Variants in KIF9 observed in about 807,000 individuals in gnomAD.
The protein encoded by KIF9 is kinesin-like protein KIF9.
KIF9 carries 68 observed loss-of-function variants against 94.8 expected under a neutral mutation model. The ratio of observed to expected loss-of-function variants is 0.72; its 90% CI spans 0.59 to 0.88. The LOEUF is 0.88. Among genes scored for constraint, KIF9 ranks in the 40% least tolerant of loss-of-function variants. KIF9 has a pLI of 0.00. For synonymous variants in KIF9, 343 were observed against 362.1 expected, an observed-to-expected ratio of 0.95 and a Z score of 0.60; for missense variants, 882 against 982.5, an observed-to-expected ratio of 0.90 and a Z score of 1.37.
chr3:47,262,557 G>T (rs1160483360), intron 9 of KIF9, among the ~76,000 whole-genome samples: 1 of 152,098 alleles, frequency 6.6e-6, no homozygotes, highest in African/African-American at 2.4e-5. Context: ...ACAGGCATGA[G>T]CCATTACACC....
At chr3:47,265,623 G>T in intron 8 of KIF9, 107 bp downstream of exon 8, 1 of 1,210,058 alleles carries the variant, frequency 8.3e-7, no homozygotes, top group Non-Finnish European at 1.2e-6. Flanking sequence ...GTGAATCCAT[G>T]CCACCAGGAG....
Position 47,241,798 on chromosome 3 carries a change from T to C in KIF9, c.1710-783A>G, listed in dbSNP as rs546197069. 1.2e-3 allele frequency among the ~76,000 whole-genome samples: 100 copies of C among 86,886 alleles called. 1 individual carries two copies. Among genetic ancestry groups the C allele is most frequent in the African/African-American group, 3.9e-3 (88 of 22,588 alleles). 57.0% of individuals were successfully genotyped at this position (86,886 alleles called of 152,430 possible). On this transcript the variant is annotated intron_variant, in intron 16 of 20. Transcript: ENST00000684063. ...ATATACATGTATATACGTGTATATA[T>C]GTATATATGTATATATGTATATATA...
chr3:47,241,124 G>A, intron 16 of KIF9, 109 bp from the exon 17 acceptor site: 1 of 909,364 alleles, frequency 1.1e-6, no homozygotes, highest in Non-Finnish European at 1.7e-6. Flanking sequence ...AGGCAGAAGT[G>A]CTAGGCACCA....
intron 20 of KIF9, among the ~76,000 whole-genome samples, chr3:47,234,161 G>A (rs552167377): frequency 6.6e-6 from 1 of 151,958 alleles, no homozygotes; most frequent in East Asian, 1.9e-4. Flanking sequence ...GTCAGAAGGG[G>A]TTTCCAGGAT....
Position 47,236,159 on chromosome 3 carries a change from G to A in KIF9, c.2102-10C>T. ...TACCAGATGTCAAATTCTACAAGGA[G>A]GTGAGGAGACAGAACTTGAGGAAGC... On this transcript the variant is annotated splice_polypyrimidine_tract_variant and intron_variant, in intron 18 of 20. Transcript: ENST00000684063. 1 of 1,598,842 alleles carries A rather than the reference G, an allele frequency of 6.3e-7. No homozygotes were observed. Among genetic ancestry groups the A allele is most frequent in the Non-Finnish European group, 8.6e-7 (1 of 1,166,092 alleles).
chr3:47,263,815 C>T, intron 9 of KIF9: 1 of 455,922 alleles, frequency 2.2e-6, no homozygotes, highest in Non-Finnish European at 4.4e-6. Flanking sequence ...TAATTTCTAC[C>T]AGGTTACTCC....
chr3:47,266,693 G>A (rs11920853), intron 7 of KIF9, among the ~76,000 whole-genome samples: 51,014 of 151,978 alleles, frequency 0.34, 8,913 homozygotes, highest in Middle Eastern at 0.47. Context: ...TACCAGCAAG[G>A]AATATTTACT....
At chr3:47,266,889 A>G in intron 7 of KIF9, 87 bp downstream of exon 7, 2 of 978,592 alleles carry the variant, frequency 2.0e-6, no homozygotes, top group Non-Finnish European at 3.3e-6. Flanking sequence ...CAAATATCCA[A>G]TGAGTCATGG....
At chr3:47,239,087 C>T (rs1371461259) in intron 17 of KIF9, among the ~76,000 whole-genome samples, 1 of 152,168 alleles carries the variant, frequency 6.6e-6, no homozygotes, top group Non-Finnish European at 1.5e-5. Context: ...GTAATCGCAG[C>T]TACTTGGGAG....
chr3:47,242,066 A>G (rs1699607437), intron 16 of KIF9, among the ~76,000 whole-genome samples: 1 of 151,540 alleles, frequency 6.6e-6, no homozygotes, highest in Admixed American at 6.6e-5. Context: ...AATTTTTTAT[A>G]GAGACAGAGT....
intron 1 of KIF9, among the ~76,000 whole-genome samples, chr3:47,278,529 T>TAA (rs202160544): frequency 6.6e-6 from 1 of 151,408 alleles, no homozygotes; most frequent in Non-Finnish European, 1.5e-5. Context: ...GGCTTGGCTT[T>TAA]AAAAAAAAAC....
At chr3:47,234,861 C>T (rs1194693974) in intron 20 of KIF9, among the ~76,000 whole-genome samples, 1 of 152,198 alleles carries the variant, frequency 6.6e-6, no homozygotes, top group Non-Finnish European at 1.5e-5. Flanking sequence ...CAGCCATATA[C>T]TTTCATGCTT....
In KIF9 at chr3:47,280,876, C is replaced by T. The variant is rs1047550350; in HGVS notation, c.-6+1619G>A. On this transcript the variant is annotated intron_variant, in intron 1 of 20. Transcript: ENST00000684063. ...CTGCAATAAAGTCTTCCTTTGCACA[C>T]CCGTCTTGTGAGCCTGCTACTCAGC... 7.1e-6 allele frequency: 5 copies of T among 702,578 alleles called. No homozygotes were observed. In the African/African-American group the frequency reaches 8.7e-5, roughly 12 times the overall value. 43.5% of individuals were successfully genotyped at this position (702,578 alleles called of 1,614,324 possible). A position where few individuals can be genotyped will look rare whatever the true frequency, so the allele number is the denominator to read the frequency against.
intron 5 of KIF9, among the ~76,000 whole-genome samples, 200 bp downstream of exon 5, chr3:47,271,037 G>A (rs1228222373): frequency 6.6e-6 from 1 of 151,762 alleles, no homozygotes; most frequent in Non-Finnish European, 1.5e-5. Flanking sequence ...CCAGCTACTT[G>A]GGAGGCTGAG....
chr3:47,248,498 A>C (rs1364247772), intron 10 of KIF9, among the ~76,000 whole-genome samples: 1 of 151,814 alleles, frequency 6.6e-6, no homozygotes, highest in Non-Finnish European at 1.5e-5. Context: ...GCTGGAGTGC[A>C]ATGGCATGGT....
In KIF9 at chr3:47,243,186, A is replaced by T. The variant is rs139083698; in HGVS notation, c.1574T>A (p.Val525Asp). ...SPVNGKDLDY[V>D]STSKTQLVPS... The stretch of plus-strand genomic sequence containing the variant: ...GACCAGCTGGGTCTTGGAGGTGGAA[A>T]CGTAATCCAAGTCCTTCCCATTCAC... The change falls in exon 16 of 21, where the codon GTT becomes GAT. Residue 525 changes from valine to aspartate, a missense_variant. Coordinates refer to ENST00000684063, the MANE Select transcript of KIF9 (RefSeq NM_182902.4). 1 of 1,613,818 alleles carries T rather than the reference A, an allele frequency of 6.2e-7. No individual in the cohort carries two copies. Among genetic ancestry groups the T allele is most frequent in the East Asian group, 2.2e-5 (1 of 44,880 alleles).
chr3:47,249,700 A>T (rs1354693529), intron 10 of KIF9, among the ~76,000 whole-genome samples: 4 of 152,084 alleles, frequency 2.6e-5, no homozygotes, highest in African/African-American at 7.2e-5. Context: ...AGACTCATTC[A>T]CTTACCTCCT....
chr3:47,235,564 C>T lies in KIF9; in HGVS notation c.2271G>A (p.Glu757=). The T allele has an allele frequency of 6.2e-7, 1 of 1,614,118 alleles. No homozygotes were observed. Among genetic ancestry groups the T allele is most frequent in the Non-Finnish European group, 8.5e-7 (1 of 1,179,996 alleles). Reference sequence around the variant, plus strand: ...TGTAGAAGGAGATGGAATCAGGGCCCTCAGGAAGCACCCTCTGCTGCAGCT... The same window carrying T: ...TGTAGAAGGAGATGGAATCAGGGCCTTCAGGAAGCACCCTCTGCTGCAGCT... ...FSQLQQRVLP[E]GPDSISFYNA... is the part of the protein sequence containing the mutation. Residue 757 remains glutamate (E), a synonymous_variant, in exon 20 of 21, where the codon GAG becomes GAA. Transcript: ENST00000684063.
At position 47,244,754 on chromosome 3, in the gene KIF9, C is replaced by T. The variant is rs1281447441; in HGVS notation, c.1514+37G>A. 3.1e-6 allele frequency: 5 copies of T among 1,610,406 alleles called. No individual in the cohort carries two copies. The African/African-American group carries it at 4.0e-5, about 13-fold the overall frequency. ...CCTCCCATGCACCCACCGAGGAGGG[C>T]CAGCTGCTGAGGAGGCAGAGCGGCA... On this transcript the variant is annotated intron_variant, in intron 15 of 20. Coordinates refer to ENST00000684063, the MANE Select transcript of KIF9 (RefSeq NM_182902.4).
Sources: allele counts gnomAD v4.1 joint callset (sites outside exome capture counted in the v4.1 genomes callset), GRCh38; gene constraint gnomAD v4.1.1; transcripts MANE v1.5; gene names NCBI Gene and HGNC (gene_info 2026-07-23, HGNC 2026-07-21).